Variants in BRIP1 observed in about 807,000 individuals in gnomAD.
BRIP1 encodes the protein BRCA1 interacting DNA helicase 1, also known as Fanconi anemia group J protein.
A neutral mutation model predicts 119.7 loss-of-function variants in BRIP1; 88 were observed. That is an observed-to-expected ratio of 0.74 (90% CI 0.62 to 0.88). The LOEUF is 0.88. Ranked by LOEUF, BRIP1 falls within the 40% of genes least tolerant of loss-of-function variation. The pLI, the probability that BRIP1 is intolerant of heterozygous loss-of-function variation, is 0.00. For synonymous variants in BRIP1, 443 were observed against 496.5 expected (o/e 0.89, Z 1.43); for missense variants, 1,259 against 1,455.4 (o/e 0.87, Z 2.20).
intron 14 of BRIP1, among the ~76,000 whole-genome samples, chr17:61,772,064 C>T (rs1270977376): frequency 4.6e-5 from 7 of 150,666 alleles, no homozygotes; most frequent in Non-Finnish European, 5.9e-5. Flanking sequence ...GATATTTGTA[C>T]ACCAGCGTTC....
At chr17:61,733,257 C>T (rs984157676) in intron 16 of BRIP1, among the ~76,000 whole-genome samples, 3 of 152,140 alleles carry the variant, frequency 2.0e-5, no homozygotes, top group African/African-American at 4.8e-5. Context: ...GTGCAATTGG[C>T]GCGAGTCTGT....
rs147374131 is a variant in BRIP1, at chr17:61,754,661, T to G, written c.2098-10070A>C. On this transcript the variant is annotated intron_variant, in intron 14 of 19. Transcript: ENST00000259008. The surrounding 1 kb of genome is among the most constrained non-coding windows in gnomAD (Gnocchi z 4.1). ...ATTGAGTGGCTTAAACAAGAGAAAT[T>G]TATTTCTTACTTCTTGGCTATGAAG... is the stretch of plus-strand genomic sequence containing the variant. Among the ~76,000 whole-genome samples the G allele has an allele frequency of 9.2e-5, 14 of 152,310 alleles. No individual in the cohort carries two copies. The East Asian group carries it at 2.7e-3, about 29-fold the overall frequency.
At chr17:61,840,577 G>C (rs1479989950) in intron 6 of BRIP1, among the ~76,000 whole-genome samples, 1 of 152,094 alleles carries the variant, frequency 6.6e-6, no homozygotes, top group East Asian at 1.9e-4. Flanking sequence ...AGGAGTTTGA[G>C]AGCAGCTTAG....
chr17:61,727,794 A>C (rs78736762), intron 16 of BRIP1, among the ~76,000 whole-genome samples: 12,028 of 146,454 alleles, frequency 0.082, 562 homozygotes, highest in South Asian at 0.24. Context: ...CTCTCTCTAT[A>C]TATATATATA....
Position 61,774,649 on chromosome 17 carries a change from A to T in BRIP1, c.2097+1752T>A, listed in dbSNP as rs1338185055. ...TTTAAGCCACAAAAAAATTAAACAA[A>T]AACCTGCAGAACAATTAATTTCGCA... On this transcript the variant is annotated intron_variant, in intron 14 of 19. Coordinates refer to ENST00000259008, the MANE Select transcript of BRIP1 (RefSeq NM_032043.3). The surrounding 1 kb of genome is among the most constrained non-coding windows in gnomAD (Gnocchi z 5.8). Among the ~76,000 whole-genome samples the T allele has an allele frequency of 6.6e-6, 1 of 152,250 alleles. No homozygotes were observed. Among genetic ancestry groups the T allele is most frequent in the Non-Finnish European group, 1.5e-5 (1 of 68,042 alleles).
rs1045766275 is a variant in BRIP1 at position 61,687,994 on chromosome 17, C to T, written c.2576-1829G>A. 5.3e-5 allele frequency among the ~76,000 whole-genome samples: 8 copies of T among 152,202 alleles called. No individual in the cohort carries two copies. The highest frequency in any genetic ancestry group is 1.9e-4 in the African/African-American group (8 of 41,462). ...AGCGCTGTGCAGCAAGTTTCTGCTC[C>T]ACAGGAACCACAGTGCAACAGAGGC... On this transcript the variant is annotated intron_variant, in intron 18 of 19. Transcript: ENST00000259008. This position sits in a 1 kb window ranked among gnomAD's most constrained non-coding sequence, Gnocchi z 5.1.
Position 61,758,823 on chromosome 17 carries a change from C to T in BRIP1, c.2098-14232G>A, listed in dbSNP as rs1425803326. Among the ~76,000 whole-genome samples, 1 of 136,296 alleles carries T rather than the reference C, an allele frequency of 7.3e-6. No individual in the cohort carries two copies. Among genetic ancestry groups the T allele is most frequent in the East Asian group, 2.2e-4 (1 of 4,646 alleles). The allele number at this position is 136,296 out of a possible 152,430, so 89.4% of individuals were successfully genotyped here. On this transcript the variant is annotated intron_variant, in intron 14 of 19. Transcript: ENST00000259008. The surrounding 1 kb of genome is among the most constrained non-coding windows in gnomAD (Gnocchi z 5.3). Reference sequence around the variant, plus strand: ...TTTAAGACCAGTGTGGGCAAAACAGCAAGACCCTATCTCTAAAAAAAAAAA... The same window carrying T: ...TTTAAGACCAGTGTGGGCAAAACAGTAAGACCCTATCTCTAAAAAAAAAAA...
intron 16 of BRIP1, among the ~76,000 whole-genome samples, chr17:61,727,772 C>CTGTCTG (rs146909815): frequency 5.1e-4 from 59 of 115,870 alleles, no homozygotes; most frequent in Non-Finnish European, 7.0e-4. Context: ...GTCTGTCTGT[C>CTGTCTG]TCTCTCTCTC....
At position 61,774,530 on chromosome 17, in the gene BRIP1, C is replaced by T. The variant is rs919199965; in HGVS notation, c.2097+1871G>A. Among the ~76,000 whole-genome samples, 3 of 152,132 alleles carry T rather than the reference C, an allele frequency of 2.0e-5. No individual in the cohort carries two copies. The highest frequency in any genetic ancestry group is 6.5e-5 in the Admixed American group (1 of 15,280). On this transcript the variant is annotated intron_variant, in intron 14 of 19. Coordinates refer to ENST00000259008, the MANE Select transcript of BRIP1 (RefSeq NM_032043.3). This position sits in a 1 kb window ranked among gnomAD's most constrained non-coding sequence, Gnocchi z 5.8. ...AGCAAACCAGCATGGCACATGTATA[C>T]GTATGTAACAAACCTGCACGTTGTG...
At position 61,722,857 on chromosome 17, in the gene BRIP1, TC is replaced by T. The variant is rs1472487024; in HGVS notation, c.2380-6795del. Among the ~76,000 whole-genome samples the T allele has an allele frequency of 1.3e-5, 2 of 152,116 alleles. No individual in the cohort carries two copies. The highest frequency in any genetic ancestry group is 2.9e-5 in the Non-Finnish European group (2 of 68,024). ...GCAAATTTTCAAACACCTTTTACAC[TC>T]CAAATGGCCTTTAAAATACTGCCAA... On this transcript the variant is annotated intron_variant, in intron 16 of 19. Coordinates refer to ENST00000259008, the MANE Select transcript of BRIP1 (RefSeq NM_032043.3). The surrounding 1 kb of genome is among the most constrained non-coding windows in gnomAD (Gnocchi z 4.6).
rs911541907 is a variant in BRIP1 at position 61,700,541 on chromosome 17, A to G, written c.2493-7029T>C. ...AATTAACTGCTTCCTGGTCTGGAGG[A>G]TGTTTTGTATATGATGAGTTATTTC... On this transcript the variant is annotated intron_variant, in intron 17 of 19. Coordinates refer to ENST00000259008, the MANE Select transcript of BRIP1 (RefSeq NM_032043.3). The surrounding 1 kb of genome is among the most constrained non-coding windows in gnomAD (Gnocchi z 4.1). 6.6e-6 allele frequency among the ~76,000 whole-genome samples: 1 copy of G among 152,014 alleles called. No homozygotes were observed. The highest frequency in any genetic ancestry group is 2.4e-5 in the African/African-American group (1 of 41,374).
Position 61,824,231 on chromosome 17 carries a change from A to G in BRIP1, c.628-15474T>C, listed in dbSNP as rs2078371682. 6.6e-6 allele frequency among the ~76,000 whole-genome samples: 1 copy of G among 152,216 alleles called. No individual in the cohort carries two copies. The highest frequency in any genetic ancestry group is 1.5e-5 in the Non-Finnish European group (1 of 68,042). On this transcript the variant is annotated intron_variant, in intron 6 of 19. Coordinates refer to ENST00000259008, the MANE Select transcript of BRIP1 (RefSeq NM_032043.3). This position sits in a 1 kb window ranked among gnomAD's most constrained non-coding sequence, Gnocchi z 4.3. The stretch of plus-strand genomic sequence containing the variant: ...AGAAAATGTGAACCTAAACTTCAAT[A>G]CCCAGTGAAAATGTGTTTCAAAACA...
rs2061760292 is a variant in BRIP1 at position 61,710,866 on chromosome 17, C to A, written c.2492+5085G>T. On this transcript the variant is annotated intron_variant, in intron 17 of 19. Coordinates refer to ENST00000259008, the MANE Select transcript of BRIP1 (RefSeq NM_032043.3). This position sits in a 1 kb window ranked among gnomAD's most constrained non-coding sequence, Gnocchi z 5.4. ...GACCAGCCTGTCCATCATGGTGAAA[C>A]CCCGTCTCTACTAAAAATATAAAAA... is the stretch of plus-strand genomic sequence containing the variant. Among the ~76,000 whole-genome samples, 1 of 151,776 alleles carries A rather than the reference C, an allele frequency of 6.6e-6. No individual in the cohort carries two copies. Among genetic ancestry groups the A allele is most frequent in the African/African-American group, 2.4e-5 (1 of 41,306 alleles).
chr17:61,701,435 T>C lies in BRIP1; in HGVS notation c.2493-7923A>G, dbSNP rs541391195. ...CTTAAATGTCTAGAACCATCATGTCTCCCATTCTTTGCCAAGAGTCTCTGC... is the reference window on the plus strand; with the variant it reads ...CTTAAATGTCTAGAACCATCATGTCCCCCATTCTTTGCCAAGAGTCTCTGC... On this transcript the variant is annotated intron_variant, in intron 17 of 19. Transcript: ENST00000259008. The surrounding 1 kb of genome is among the most constrained non-coding windows in gnomAD (Gnocchi z 5.1). Among the ~76,000 whole-genome samples, 31 of 152,314 alleles carry C rather than the reference T, an allele frequency of 2.0e-4. No individual in the cohort carries two copies. Among genetic ancestry groups the C allele is most frequent in the African/African-American group, 7.0e-4 (29 of 41,578 alleles).
chr17:61,776,323 A>G lies in BRIP1; in HGVS notation c.2097+78T>C. The G allele has an allele frequency of 6.5e-7, 1 of 1,537,564 alleles. No individual in the cohort carries two copies. Among genetic ancestry groups the G allele is most frequent in the South Asian group, 1.1e-5 (1 of 88,936 alleles). ...TCTACCCTAGGAAGCTTACTGTGGT[A>G]ATTTTAAAATTAGCATGCCAATGTT... On this transcript the variant is annotated intron_variant, in intron 14 of 19. Transcript: ENST00000259008. The surrounding 1 kb of genome is among the most constrained non-coding windows in gnomAD (Gnocchi z 5.0).
chr17:61,693,261 T>C lies in BRIP1; in HGVS notation c.2575+169A>G, dbSNP rs1359949869. 6.6e-6 allele frequency among the ~76,000 whole-genome samples: 1 copy of C among 152,288 alleles called. No individual in the cohort carries two copies. The highest frequency in any genetic ancestry group is 1.9e-4 in the East Asian group (1 of 5,184). ...TTCAGTTGGTGTTAAGTTTCAGTTA[T>C]GTAAGATTTAAAAGTTCTAGATATC... On this transcript the variant is annotated intron_variant, in intron 18 of 19. Coordinates refer to ENST00000259008, the MANE Select transcript of BRIP1 (RefSeq NM_032043.3). The surrounding 1 kb of genome is among the most constrained non-coding windows in gnomAD (Gnocchi z 4.2).
rs1403254684 is a variant in BRIP1 at position 61,838,846 on chromosome 17, CA to C, written c.627+8254del. Among the ~76,000 whole-genome samples the C allele has an allele frequency of 2.0e-5, 3 of 151,634 alleles. No individual in the cohort carries two copies. The East Asian group carries it at 5.8e-4, about 29-fold the overall frequency. On this transcript the variant is annotated intron_variant, in intron 6 of 19. Coordinates refer to ENST00000259008, the MANE Select transcript of BRIP1 (RefSeq NM_032043.3). ...TCTAATATATGGACTACTTTTTTTTCAATTACTTTATCCAAAAGTTTTGGCA... is the reference window on the plus strand; with the variant it reads ...TCTAATATATGGACTACTTTTTTTTCATTACTTTATCCAAAAGTTTTGGCA...
chr17:61,803,383 C>T lies in BRIP1; in HGVS notation c.919-1909G>A, dbSNP rs1451669709. ...TACAGGCATGAGCCACTGCACTCCA[C>T]CCCATTCTATCACTGGAAATAAAAA... On this transcript the variant is annotated intron_variant, in intron 7 of 19. Transcript: ENST00000259008. This position sits in a 1 kb window ranked among gnomAD's most constrained non-coding sequence, Gnocchi z 4.3. Among the ~76,000 whole-genome samples the T allele has an allele frequency of 6.6e-6, 1 of 152,098 alleles. No homozygotes were observed. Among genetic ancestry groups the T allele is most frequent in the African/African-American group, 2.4e-5 (1 of 41,430 alleles).
At chr17:61,711,232 G>T (rs2061769464) in intron 17 of BRIP1, among the ~76,000 whole-genome samples, 1 of 152,002 alleles carries the variant, frequency 6.6e-6, no homozygotes, top group Non-Finnish European at 1.5e-5. Context: ...ATGGTTTCTT[G>T]AAATTCAAGG....
Sources: gnomAD v4.1 joint callset for allele counts (sites outside exome capture counted in the v4.1 genomes callset) on GRCh38, gnomAD v4.1.1 for gene constraint, Gnocchi (gnomAD v3.1) non-coding constraint, MANE v1.5 for transcripts, NCBI Gene and HGNC (gene_info 2026-07-23, HGNC 2026-07-21) for gene names.